The following TMEM135 variants were observed in gnomAD, a reference collection of about 807,000 sequenced individuals.
TMEM135 encodes transmembrane protein 135.
TMEM135 carries 30 observed loss-of-function variants against 60.3 expected under a neutral mutation model. That is an observed-to-expected ratio of 0.50 (90% CI 0.37 to 0.68). TMEM135 has a LOEUF of 0.68. Ranked by LOEUF, TMEM135 falls within the 30% of genes least tolerant of loss-of-function variation. The pLI, the probability that TMEM135 is intolerant of heterozygous loss-of-function variation, is 0.00. For missense variants in TMEM135, 468 were observed against 548.8 expected (o/e 0.85, Z 1.47); for synonymous variants, 190 against 186.7 (o/e 1.02, Z -0.14).
intron 1 of TMEM135, among the ~76,000 whole-genome samples, chr11:87,060,517 T>G (rs1171020304): frequency 6.6e-6 from 1 of 152,238 alleles, no homozygotes; most frequent in Non-Finnish European, 1.5e-5. Flanking sequence ...TAATTCTCCT[T>G]ATTTAGAATG....
intron 4 of TMEM135, chr11:87,094,786 C>G (rs554563174): frequency 5.3e-6 from 1 of 190,188 alleles, no homozygotes; most frequent in African/African-American, 2.4e-5. Context: ...TGAATTTTTT[C>G]TTCCATTATT....
chr11:87,149,020 C>T (rs1273123802), intron 4 of TMEM135, among the ~76,000 whole-genome samples: 2 of 150,752 alleles, frequency 1.3e-5, no homozygotes, highest in Non-Finnish European at 3.0e-5. Context: ...AGCACCAAAT[C>T]CCCCCATACC....
chr11:87,093,827 C>T (rs1016331204), intron 4 of TMEM135, among the ~76,000 whole-genome samples: 11 of 152,200 alleles, frequency 7.2e-5, no homozygotes, highest in South Asian at 6.2e-4. Flanking sequence ...CCACCACACC[C>T]GGCCAATTTA....
chr11:87,260,632 T>C (rs1310552714), intron 6 of TMEM135, among the ~76,000 whole-genome samples: 3 of 152,200 alleles, frequency 2.0e-5, no homozygotes, highest in African/African-American at 7.2e-5. Flanking sequence ...GATGGAGCTT[T>C]TACCTTCTTA....
chr11:87,067,029 C>T (rs896051971), intron 1 of TMEM135, among the ~76,000 whole-genome samples: 1 of 151,004 alleles, frequency 6.6e-6, no homozygotes, highest in Admixed American at 6.6e-5. Flanking sequence ...ATCTGCCCAC[C>T]TCGGCCTCCC....
intron 5 of TMEM135, among the ~76,000 whole-genome samples, chr11:87,185,962 A>G (rs1021248018): frequency 6.7e-6 from 1 of 148,342 alleles, no homozygotes; most frequent in African/African-American, 2.5e-5. Context: ...GCTAGAGTTC[A>G]GTGGCGTGAT....
At chr11:87,107,859 C>G (rs1857638829) in intron 4 of TMEM135, among the ~76,000 whole-genome samples, 1 of 152,144 alleles carries the variant, frequency 6.6e-6, no homozygotes. Context: ...AATGGTTGAA[C>G]TAGTTTACAG....
chr11:87,257,707 G>T (rs889760071), intron 6 of TMEM135, among the ~76,000 whole-genome samples: 9 of 152,148 alleles, frequency 5.9e-5, no homozygotes, highest in Non-Finnish European at 1.2e-4. Context: ...TAGATTGGTG[G>T]CCTAGGGGAG....
intron 5 of TMEM135, among the ~76,000 whole-genome samples, chr11:87,228,948 A>G (rs1940827469): frequency 1.3e-5 from 2 of 152,166 alleles, no homozygotes; most frequent in Non-Finnish European, 2.9e-5. Context: ...GTGTAATTCT[A>G]CATGACATAG....
intron 1 of TMEM135, among the ~76,000 whole-genome samples, chr11:87,066,804 CAG>C (rs1327656477): frequency 7.6e-6 from 1 of 131,528 alleles, no homozygotes; most frequent in Non-Finnish European, 1.6e-5. Flanking sequence ...TTTTTTGAGA[CAG>C]AGTCTCACTC....
In TMEM135 at chr11:87,325,837, C is replaced by T. The variant is rs1249613844; in HGVS notation, c.*4504C>T. 1.1e-5 allele frequency: 5 copies of T among 453,854 alleles called. No individual in the cohort carries two copies. Among genetic ancestry groups the T allele is most frequent in the East Asian group, 6.9e-5 (1 of 14,394 alleles). The allele number at this position is 453,854 out of a possible 1,614,324, so 28.1% of individuals were successfully genotyped here. ...TTAATTTCTTCTCTTCTTAAAACCCCGTAACATCACTTGACTCTGGAATTT... is the reference window on the plus strand; with the variant it reads ...TTAATTTCTTCTCTTCTTAAAACCCTGTAACATCACTTGACTCTGGAATTT... On this transcript the variant is annotated 3_prime_UTR_variant, in exon 15 of 15. Coordinates refer to ENST00000305494, the MANE Select transcript of TMEM135 (RefSeq NM_022918.4).
intron 3 of TMEM135, among the ~76,000 whole-genome samples, chr11:87,075,197 C>T (rs1193104601): frequency 6.6e-6 from 1 of 152,070 alleles, no homozygotes; most frequent in Admixed American, 6.6e-5. Context: ...CTCGCTCTGT[C>T]TCCCAGGCTG....
At chr11:87,307,337 A>G (rs1195115018) in intron 9 of TMEM135, among the ~76,000 whole-genome samples, 3 of 151,014 alleles carry the variant, frequency 2.0e-5, no homozygotes, top group Non-Finnish European at 4.4e-5. Context: ...ATACTTTCTG[A>G]CACTCTTTCC....
At chr11:87,294,738 A>G (rs1942320563) in intron 6 of TMEM135, among the ~76,000 whole-genome samples, 1 of 152,194 alleles carries the variant, frequency 6.6e-6, no homozygotes, top group African/African-American at 2.4e-5. Context: ...TATTCAAGGG[A>G]TTTTGATAAT....
At chr11:87,071,475 A>G (rs750219558) in intron 2 of TMEM135, 48 bp from the exon 3 acceptor site, 1 of 1,415,212 alleles carries the variant, frequency 7.1e-7, no homozygotes, top group South Asian at 1.2e-5. Context: ...TAATAACTGA[A>G]GTGACCAACT....
At chr11:87,254,237 T>C (rs1941478250) in intron 6 of TMEM135, among the ~76,000 whole-genome samples, 1 of 152,140 alleles carries the variant, frequency 6.6e-6, no homozygotes, top group African/African-American at 2.4e-5. Flanking sequence ...CAGTAAATGT[T>C]TGAATGAATG....
chr11:87,062,283 C>T (rs1949954568), intron 1 of TMEM135, among the ~76,000 whole-genome samples: 1 of 151,262 alleles, frequency 6.6e-6, no homozygotes, highest in African/African-American at 2.4e-5. Flanking sequence ...GGATTACAGG[C>T]GTGATCCACT....
chr11:87,114,904 A>C (rs1857841181), intron 4 of TMEM135, among the ~76,000 whole-genome samples: 1 of 152,216 alleles, frequency 6.6e-6, no homozygotes, highest in Non-Finnish European at 1.5e-5. Context: ...TTGACAGACA[A>C]GTTAGTCTTG....
intron 5 of TMEM135, among the ~76,000 whole-genome samples, chr11:87,228,606 C>T (rs553508531): frequency 8.5e-5 from 13 of 152,220 alleles, no homozygotes; most frequent in South Asian, 4.1e-4. Context: ...GTTCACTACT[C>T]ACTAAGCACC....
Sources: allele counts gnomAD v4.1 joint callset (sites outside exome capture counted in the v4.1 genomes callset), GRCh38; gene constraint gnomAD v4.1.1; transcripts MANE v1.5; gene names NCBI Gene and HGNC (gene_info 2026-07-23, HGNC 2026-07-21).